NRXN3: variants seen among roughly 807,000 people sequenced by gnomAD.
NRXN3 encodes the protein neurexin 3, also known as neurexin III.
In NRXN3, 32 loss-of-function variants were observed where a neutral mutation model predicts 137.6. That is an observed-to-expected ratio of 0.23 (90% CI 0.18 to 0.31). The LOEUF is 0.31. Among genes scored for constraint, NRXN3 ranks in the 10% least tolerant of loss-of-function variants. The pLI is 1.00. For synonymous variants in NRXN3, 798 were observed against 784.5 expected, an observed-to-expected ratio of 1.02 and a Z score of -0.29; for missense variants, 1,574 against 2,062.5, an observed-to-expected ratio of 0.76 and a Z score of 4.59.
At position 78,701,426 on chromosome 14, in the gene NRXN3, A is replaced by G. The variant is rs372218075; in HGVS notation, c.1222-7791A>G. ...CTCTGTGATTCATGAGGGCAGAAAA[A>G]CTGACTGGCTTACAGCTGTCTCTCT... On this transcript the variant is annotated intron_variant, in intron 6 of 20. Coordinates refer to ENST00000335750, the MANE Select transcript of NRXN3 (RefSeq NM_001330195.2). 6.6e-5 allele frequency among the ~76,000 whole-genome samples: 10 copies of G among 152,256 alleles called. No individual in the cohort carries two copies. The East Asian group carries it at 1.5e-3, about 24-fold the overall frequency.
intron 4 of NRXN3, among the ~76,000 whole-genome samples, chr14:78,561,094 A>G (rs867434476): frequency 6.6e-6 from 1 of 152,226 alleles, no homozygotes; most frequent in Non-Finnish European, 1.5e-5. Context: ...CAGTGGGGCT[A>G]TGCTTATCTT....
At chr14:79,090,724 T>A (rs1026869047) in intron 15 of NRXN3, among the ~76,000 whole-genome samples, 2 of 152,138 alleles carry the variant, frequency 1.3e-5, no homozygotes, top group African/African-American at 4.8e-5. Flanking sequence ...AAGCAGACTT[T>A]ATTCCCCACA....
intron 15 of NRXN3, among the ~76,000 whole-genome samples, chr14:79,175,603 C>T (rs1199232909): frequency 6.6e-6 from 1 of 152,148 alleles, no homozygotes; most frequent in African/African-American, 2.4e-5. Context: ...AAATTATGTC[C>T]ACAAGCTGAA....
intron 20 of NRXN3, among the ~76,000 whole-genome samples, chr14:79,819,040 T>C (rs2099262204): frequency 6.6e-6 from 1 of 152,238 alleles, no homozygotes; most frequent in South Asian, 2.1e-4. Context: ...AGACCTCCTC[T>C]TACTAAAAGA....
chr14:78,730,691 G>T (rs1031876737), intron 8 of NRXN3, among the ~76,000 whole-genome samples: 3 of 152,294 alleles, frequency 2.0e-5, no homozygotes, highest in Admixed American at 6.5e-5. Context: ...TAACCTGGAA[G>T]TCATCTCCTT....
intron 15 of NRXN3, among the ~76,000 whole-genome samples, chr14:79,144,176 C>T (rs186826693): frequency 2.4e-4 from 37 of 152,236 alleles, no homozygotes; most frequent in Non-Finnish European, 4.0e-4. Flanking sequence ...CCTGATAATA[C>T]GTATTTGGAC....
chr14:78,944,692 T>A (rs1382664591), intron 10 of NRXN3, among the ~76,000 whole-genome samples: 1 of 152,166 alleles, frequency 6.6e-6, no homozygotes, highest in Non-Finnish European at 1.5e-5. Context: ...ACAAAAATGA[T>A]TCTCCCCTGG....
intron 10 of NRXN3, among the ~76,000 whole-genome samples, chr14:78,941,433 C>G (rs1319557500): frequency 2.0e-5 from 3 of 152,156 alleles, no homozygotes; most frequent in Non-Finnish European, 4.4e-5. Context: ...CTCACCCAGC[C>G]ACCCCCATTC....
At chr14:78,321,837 GAGTGT>G (rs2079408081) in intron 4 of NRXN3, among the ~76,000 whole-genome samples, 1 of 152,032 alleles carries the variant, frequency 6.6e-6, no homozygotes, top group Non-Finnish European at 1.5e-5. Context: ...TCCATTGCTT[GAGTGT>G]CTGTTGTGTG....
rs10699895 is a variant in NRXN3 at position 78,702,441 on chromosome 14, T to TTTTTC, written c.1222-6768_1222-6764dup. On this transcript the variant is annotated intron_variant, in intron 6 of 20. Coordinates refer to ENST00000335750, the MANE Select transcript of NRXN3 (RefSeq NM_001330195.2). The stretch of plus-strand genomic sequence containing the variant: ...AGTTATCCTCAAGAGAGAATCTTTC[T>TTTTTC]TTTTCTTTTCTTATTTTTTTTGAGA... Among the ~76,000 whole-genome samples, 8 of 54,570 alleles carry TTTTTC rather than the reference T, an allele frequency of 1.5e-4. 1 individual carries two copies. The East Asian group carries it at 1.7e-3, about 12-fold the overall frequency. The allele number at this position is 54,570 out of a possible 152,430, so 35.8% of individuals were successfully genotyped here. A position where few individuals can be genotyped will look rare whatever the true frequency, so the allele number is the denominator to read the frequency against.
intron 4 of NRXN3, among the ~76,000 whole-genome samples, chr14:78,378,143 T>C (rs916604505): frequency 6.6e-6 from 1 of 152,170 alleles, no homozygotes; most frequent in Admixed American, 6.5e-5. Context: ...ACTTAGACAC[T>C]ATACAAGAGA....
chr14:79,653,381 C>A (rs534548115), intron 16 of NRXN3, among the ~76,000 whole-genome samples: 72 of 152,282 alleles, frequency 4.7e-4, no homozygotes, highest in African/African-American at 1.7e-3. Flanking sequence ...TGTGTGCTAT[C>A]TTTTAGAGTC....
At chr14:78,528,614 C>T (rs532066139) in intron 4 of NRXN3, among the ~76,000 whole-genome samples, 1 of 151,902 alleles carries the variant, frequency 6.6e-6, no homozygotes, top group Admixed American at 6.6e-5. Context: ...TTGATAGATT[C>T]AGGATAAAGG....
At chr14:79,466,036 TC>T (rs1199265472) in intron 15 of NRXN3, among the ~76,000 whole-genome samples, 2 of 152,194 alleles carry the variant, frequency 1.3e-5, no homozygotes, top group Non-Finnish European at 2.9e-5. Flanking sequence ...TGTAAGTAGT[TC>T]TAAATTAATA....
intron 4 of NRXN3, among the ~76,000 whole-genome samples, chr14:78,349,936 A>G (rs1278244746): frequency 6.6e-6 from 1 of 152,196 alleles, no homozygotes; most frequent in Admixed American, 6.5e-5. Context: ...GCCAACTTGA[A>G]GCTCCAAATC....
intron 4 of NRXN3, among the ~76,000 whole-genome samples, chr14:78,639,852 T>G (rs1555412422): frequency 6.6e-6 from 1 of 152,156 alleles, no homozygotes; most frequent in Non-Finnish European, 1.5e-5. Context: ...CACATTGGTG[T>G]AATCATAGTA....
At chr14:79,190,049 T>G (rs960491371) in intron 15 of NRXN3, among the ~76,000 whole-genome samples, 5 of 152,170 alleles carry the variant, frequency 3.3e-5, no homozygotes, top group Non-Finnish European at 5.9e-5. Flanking sequence ...TCAAAAAATC[T>G]TCTAAAGGGA....
chr14:79,303,941 G>A (rs1191820530), intron 15 of NRXN3, among the ~76,000 whole-genome samples: 1 of 152,028 alleles, frequency 6.6e-6, no homozygotes, highest in African/African-American at 2.4e-5. Flanking sequence ...GGTAATAATA[G>A]CAGTAGTGGC....
intron 14 of NRXN3, among the ~76,000 whole-genome samples, chr14:78,982,506 A>ATT (rs60153064): frequency 2.7e-4 from 40 of 150,574 alleles, no homozygotes; most frequent in African/African-American, 9.2e-4. Context: ...TGGTTAACTG[A>ATT]TTTTTTTTTT....
Sources: gnomAD v4.1 joint callset for allele counts (sites outside exome capture counted in the v4.1 genomes callset) on GRCh38, gnomAD v4.1.1 for gene constraint, MANE v1.5 for transcripts, NCBI Gene and HGNC (gene_info 2026-07-23, HGNC 2026-07-21) for gene names.